The following KCNT1 variants were observed in gnomAD, a reference collection of about 807,000 sequenced individuals.
The protein encoded by KCNT1 is potassium sodium-activated channel subfamily T member 1.
A neutral mutation model predicts 147.8 loss-of-function variants in KCNT1; 78 were observed. That is an observed-to-expected ratio of 0.53 (90% CI 0.44 to 0.64). The LOEUF (loss-of-function observed/expected upper bound fraction) is 0.64, where lower values mean the gene tolerates loss of function less well. Among genes scored for constraint, KCNT1 ranks in the 30% least tolerant of loss-of-function variants. The probability of loss-of-function intolerance (pLI) is 0.00; values close to 1 mark genes in which losing one functional copy is unlikely to be tolerated. For missense variants in KCNT1, 1,419 were observed against 1,750.3 expected (o/e 0.81, Z 3.38); for synonymous variants, 867 against 748.8 (o/e 1.16, Z -2.58).
At chr9:135,757,074 C>T (rs2131436861) in intron 7 of KCNT1, 82 bp from the exon 8 acceptor site, 1 of 1,059,198 alleles carries the variant, frequency 9.4e-7, no homozygotes, top group Non-Finnish European at 1.4e-6. Context: ...GCTCCTCGCC[C>T]TCTTCCCCAC....
In KCNT1 at chr9:135,758,419, C is replaced by T. The variant is rs1167927802; in HGVS notation, c.765C>T (p.Asp255=). The change falls in exon 10 of 31, where the codon GAC becomes GAT. Residue 255 remains aspartate, a synonymous_variant. Coordinates refer to ENST00000371757, the MANE Select transcript of KCNT1 (RefSeq NM_020822.3). ...AGCCACCACTCCTTCCACAGAATGACTTCCACCGTGCCATCCTGCGGACAC... is the reference window on the plus strand; with the variant it reads ...AGCCACCACTCCTTCCACAGAATGATTTCCACCGTGCCATCCTGCGGACAC... ...AKHALENMIN[D]FHRAILRTQS... 6 of 1,612,508 alleles carry T rather than the reference C, an allele frequency of 3.7e-6. No homozygotes were observed. In the Admixed American group the frequency reaches 8.3e-5, roughly 22 times the overall value.
chr9:135,774,280 GGTGTGTT>G (rs1301594091), intron 19 of KCNT1, among the ~76,000 whole-genome samples: 1 of 147,218 alleles, frequency 6.8e-6, no homozygotes, highest in Admixed American at 6.8e-5. Context: ...TTGTGTGTGT[GGTGTGTT>G]GTGTGTGGTG....
At chr9:135,791,739 C>T (rs374997640) in intron 29 of KCNT1, 58 bp from the exon 30 acceptor site, 5 of 1,484,676 alleles carry the variant, frequency 3.4e-6, no homozygotes, top group South Asian at 2.3e-5. Flanking sequence ...TGGGCCCCTG[C>T]AGAGCTGGGA....
intron 19 of KCNT1, 84 bp from the exon 20 acceptor site, chr9:135,775,226 G>A (rs1281586318): frequency 5.1e-6 from 5 of 980,638 alleles, no homozygotes; most frequent in East Asian, 2.8e-5. Context: ...GGGTGCCCTC[G>A]AGTCCCCCAG....
chr9:135,739,645 C>T (rs1422426498), intron 2 of KCNT1, among the ~76,000 whole-genome samples: 2 of 152,134 alleles, frequency 1.3e-5, no homozygotes, highest in Admixed American at 6.5e-5. Context: ...TGGAGCTTGC[C>T]CCAGATGGCC....
intron 1 of KCNT1, among the ~76,000 whole-genome samples, chr9:135,704,249 TGTCTTTCCTGGG>T (rs1835158154): frequency 6.6e-6 from 1 of 152,146 alleles, no homozygotes; most frequent in Admixed American, 6.5e-5. Context: ...AGCAGGCCTC[TGTCTTTCCTGGG>T]TGCTGGAGGA....
At chr9:135,766,063 ACCATCTGGGGTG>A (rs1832254894) in intron 13 of KCNT1, among the ~76,000 whole-genome samples, 1 of 95,262 alleles carries the variant, frequency 1.0e-5, no homozygotes, top group Non-Finnish European at 2.5e-5. Context: ...TCCAGGGTGG[ACCATCTGGGGTG>A]GACCATCTAG....
intron 2 of KCNT1, among the ~76,000 whole-genome samples, chr9:135,744,111 G>A (rs892166966): frequency 2.6e-5 from 4 of 152,258 alleles, no homozygotes; most frequent in African/African-American, 9.6e-5. Flanking sequence ...TGTGAGTGCA[G>A]GGCTATGGTG....
At chr9:135,749,209 G>A (rs960309158) in intron 2 of KCNT1, among the ~76,000 whole-genome samples, 1 of 152,124 alleles carries the variant, frequency 6.6e-6, no homozygotes. Context: ...TGGGGCAGTG[G>A]GGGCAGCAGC....
intron 24 of KCNT1, 52 bp from the exon 25 acceptor site, chr9:135,783,972 C>T (rs1833817914): frequency 6.9e-7 from 1 of 1,439,254 alleles, no homozygotes; most frequent in African/African-American, 1.4e-5. Context: ...GGCTGCCGTG[C>T]CACTGGAGGG....
chr9:135,778,100 G>A (rs1833313951), intron 21 of KCNT1, among the ~76,000 whole-genome samples: 1 of 152,122 alleles, frequency 6.6e-6, no homozygotes, highest in African/African-American at 2.4e-5. Context: ...CTCACTCTGA[G>A]CCCCAGGATT....
intron 2 of KCNT1, among the ~76,000 whole-genome samples, chr9:135,737,500 T>C (rs1830391760): frequency 6.6e-6 from 1 of 152,188 alleles, no homozygotes; most frequent in African/African-American, 2.4e-5. Context: ...GAATCAGACC[T>C]GGCCTGGTGT....
At chr9:135,787,992 C>T (rs1307611597) in intron 29 of KCNT1, 10 of 799,692 alleles carry the variant, frequency 1.3e-5, no homozygotes, top group East Asian at 1.2e-4. Flanking sequence ...GCCGGCCTCC[C>T]GTGCAGCTGC....
intron 19 of KCNT1, 92 bp downstream of exon 19, chr9:135,773,041 A>T: frequency 1.1e-6 from 1 of 881,754 alleles, no homozygotes; most frequent in Non-Finnish European, 1.6e-6. Context: ...GTGGTCCCCC[A>T]TGCTCTGAAT....
chr9:135,770,437 G>T lies in KCNT1; in HGVS notation c.1759G>T (p.Ala587Ser). The T allele has an allele frequency of 3.7e-6, 6 of 1,611,378 alleles. 1 individual carries two copies. Among genetic ancestry groups the T allele is most frequent in the Admixed American group, 1.7e-5 (1 of 59,814 alleles). The change falls in exon 17 of 31, where the codon GCC (alanine) becomes TCC (serine). Residue 587 changes from alanine (A) to serine (S), a missense_variant. By Grantham distance (99) the Ala-to-Ser change is moderately conservative (BLOSUM62 1). This residue lies in a region of KCNT1 where 284 missense variants were observed against 292.8 expected (regional missense o/e 0.97). Coordinates refer to ENST00000371757, the MANE Select transcript of KCNT1 (RefSeq NM_020822.3). ...GAGCTTCACCTACGCGGCCTTCCACGCCCACAAGAAGTAAGGCCGGGCTGC... is the reference window on the plus strand; with the variant it reads ...GAGCTTCACCTACGCGGCCTTCCACTCCCACAAGAAGTAAGGCCGGGCTGC... ...GKSFTYAAFH[A>S]HKKYGVCLIG...
intron 19 of KCNT1, among the ~76,000 whole-genome samples, chr9:135,774,528 CTGTG>C (rs1338241864): frequency 7.5e-6 from 1 of 133,048 alleles, no homozygotes; most frequent in African/African-American, 2.9e-5. Context: ...TCTGTGTGTG[CTGTG>C]TGTCTGTGTA....
chr9:135,765,701 C>T lies in KCNT1; in HGVS notation c.1278C>T (p.Ser426=). 6.2e-7 allele frequency: 1 copy of T among 1,610,854 alleles called. No individual in the cohort carries two copies. The highest frequency in any genetic ancestry group is 8.5e-7 in the Non-Finnish European group (1 of 1,178,926). ...GAGTCCTGCAGATCCCTCTGTGGTC[C>T]CAGCGGGTCATCTACCTCCAGGGCT... ...VRRVLQIPLW[S]QRVIYLQGSA... The change falls in exon 13 of 31, where the codon TCC becomes TCT. Residue 426 remains serine, a synonymous_variant. Coordinates refer to ENST00000371757, the MANE Select transcript of KCNT1 (RefSeq NM_020822.3).
intron 11 of KCNT1, 109 bp downstream of exon 11, chr9:135,759,968 G>A (rs1170500799): frequency 9.3e-7 from 1 of 1,073,310 alleles, no homozygotes; most frequent in African/African-American, 1.6e-5. Context: ...GCCACTCCCA[G>A]GAGGGGACAG....
chr9:135,723,594 G>A (rs7019139), intron 2 of KCNT1, among the ~76,000 whole-genome samples: 3,460 of 152,278 alleles, frequency 0.023, 149 homozygotes, highest in African/African-American at 0.078. Flanking sequence ...ATGTCTACAC[G>A]GGGCCTGCTG....
Sources: gnomAD v4.1 joint callset for allele counts (sites outside exome capture counted in the v4.1 genomes callset) on GRCh38, gnomAD v4.1.1 for gene constraint, gnomAD v4.1.1 regional missense constraint, MANE v1.5 for transcripts, NCBI Gene and HGNC (gene_info 2026-07-23, HGNC 2026-07-21) for gene names.